The following MAP4 variants were observed in gnomAD, a reference collection of about 807,000 sequenced individuals.
The protein encoded by MAP4 is microtubule associated protein 4.
MAP4 carries 76 observed loss-of-function variants against 170.2 expected under a neutral mutation model. The ratio of observed to expected loss-of-function variants is 0.45; its 90% confidence interval spans 0.37 to 0.54. The LOEUF (loss-of-function observed/expected upper bound fraction) is 0.54, where lower values mean the gene tolerates loss of function less well. Among genes scored for constraint, MAP4 ranks in the 20% least tolerant of loss-of-function variants. MAP4 has a pLI of 0.00. For missense variants in MAP4, 2,506 were observed against 2,748.0 expected (o/e 0.91, Z 1.97); for synonymous variants, 909 against 994.5 (o/e 0.91, Z 1.62).
rs370121642 is a variant in MAP4 at position 47,870,982 on chromosome 3, C to T, written c.6125G>A (p.Arg2042Gln). The T allele has an allele frequency of 7.3e-5, 117 of 1,613,164 alleles. No homozygotes were observed. The highest frequency in any genetic ancestry group is 9.5e-5 in the Non-Finnish European group (112 of 1,179,258). ...SRVKATPMPS[R>Q]PSTTPFIDKK... ...GTCTATGAAAGGAGTTGTGGAGGGC[C>T]GGGAGGGCATGGGTGTGGCCTTGAC... The change falls in exon 15 of 21, where the codon CGG becomes CAG. Residue 2042 changes from arginine to glutamine, a missense_variant. Transcript: ENST00000683076.
At chr3:47,975,357 A>C in intron 3 of MAP4, 1 of 1,548,702 alleles carries the variant, frequency 6.5e-7, no homozygotes. Flanking sequence ...CCAGGAATGA[A>C]AAGCAAAGCT....
chr3:47,858,883 C>CT (rs1328352999), intron 17 of MAP4, among the ~76,000 whole-genome samples: 1 of 152,116 alleles, frequency 6.6e-6, no homozygotes, highest in Non-Finnish European at 1.5e-5. Context: ...AATCCCAGCA[C>CT]TTTGGGAGGC....
intron 3 of MAP4, chr3:47,974,185 G>T: frequency 1.1e-6 from 1 of 913,754 alleles, no homozygotes; most frequent in Non-Finnish European, 1.3e-6. Context: ...CAGCACTTTG[G>T]GTGGCCAAGG....
chr3:47,893,634 T>C (rs778255665), intron 10 of MAP4, among the ~76,000 whole-genome samples: 27 of 152,206 alleles, frequency 1.8e-4, no homozygotes, highest in Non-Finnish European at 1.8e-4. Context: ...ACTCTTACTT[T>C]GAACAAAGCT....
chr3:47,974,497 A>G (rs2100080791), intron 3 of MAP4: 1 of 984,362 alleles, frequency 1.0e-6, no homozygotes, highest in Non-Finnish European at 1.2e-6. Context: ...AGCTGAAATA[A>G]TCTGTACCTT....
chr3:47,990,261 C>G (rs1042241453), intron 2 of MAP4, among the ~76,000 whole-genome samples: 1 of 152,192 alleles, frequency 6.6e-6, no homozygotes, highest in Non-Finnish European at 1.5e-5. Context: ...ATTAGTGTTT[C>G]TCAATCATGC....
intron 1 of MAP4, among the ~76,000 whole-genome samples, chr3:48,077,660 T>G (rs1222593181): frequency 6.6e-6 from 1 of 151,956 alleles, no homozygotes; most frequent in Non-Finnish European, 1.5e-5. Flanking sequence ...TTTTAAAAGG[T>G]TAAACATAAT....
intron 1 of MAP4, among the ~76,000 whole-genome samples, chr3:48,054,073 G>A (rs182339639): frequency 9.1e-4 from 138 of 152,182 alleles, no homozygotes; most frequent in African/African-American, 3.2e-3. Context: ...GAAGGCCGAG[G>A]CAGGCAGATC....
chr3:47,972,384 A>G (rs1168499181), intron 3 of MAP4, among the ~76,000 whole-genome samples: 1 of 152,236 alleles, frequency 6.6e-6, no homozygotes, highest in Non-Finnish European at 1.5e-5. Flanking sequence ...TAACTGCACT[A>G]AACTAAATGT....
intron 1 of MAP4, among the ~76,000 whole-genome samples, chr3:48,004,252 A>G (rs1274848510): frequency 6.6e-6 from 1 of 152,164 alleles, no homozygotes; most frequent in African/African-American, 2.4e-5. Flanking sequence ...AAAAATGCTG[A>G]GGACTCTACT....
chr3:47,871,350 T>G (rs550504636), intron 13 of MAP4, 64 bp from the exon 14 acceptor site: 38 of 1,243,020 alleles, frequency 3.1e-5, no homozygotes, highest in Middle Eastern at 2.0e-4. Flanking sequence ...GTTCATCCAA[T>G]AGTGAGATTC....
In MAP4 at chr3:47,918,704, T is replaced by C; in HGVS notation, c.652+15A>G. 1 of 1,595,582 alleles carries C rather than the reference T, an allele frequency of 6.3e-7. No homozygotes were observed. The highest frequency in any genetic ancestry group is 8.6e-7 in the Non-Finnish European group (1 of 1,164,570). On this transcript the variant is annotated intron_variant, in intron 6 of 20. Transcript: ENST00000683076. ...TGCAACCATTAACTGATAAAGGGAGTCTCTAATAGTTTACCTGCCGTTGGC... is the reference window on the plus strand; with the variant it reads ...TGCAACCATTAACTGATAAAGGGAGCCTCTAATAGTTTACCTGCCGTTGGC...
intron 3 of MAP4, among the ~76,000 whole-genome samples, chr3:47,959,467 A>G (rs1209715586): frequency 6.6e-6 from 1 of 151,258 alleles, no homozygotes; most frequent in Non-Finnish European, 1.5e-5. Context: ...GGAAAAAAAA[A>G]AAAATGTGGC....
At chr3:47,934,731 C>T (rs777439362) in intron 3 of MAP4, among the ~76,000 whole-genome samples, 3 of 152,192 alleles carry the variant, frequency 2.0e-5, no homozygotes, top group Non-Finnish European at 4.4e-5. Flanking sequence ...GTGGTAACCT[C>T]AGAACTTTAA....
At chr3:47,971,214 C>T (rs905517720) in intron 3 of MAP4, among the ~76,000 whole-genome samples, 3 of 152,174 alleles carry the variant, frequency 2.0e-5, no homozygotes, top group African/African-American at 4.8e-5. Context: ...TGGTGGAGTT[C>T]GGATGGATGT....
intron 1 of MAP4, among the ~76,000 whole-genome samples, chr3:48,065,059 G>A (rs965103898): frequency 1.3e-5 from 2 of 152,126 alleles, no homozygotes; most frequent in Non-Finnish European, 1.5e-5. Flanking sequence ...GAACCCAGAA[G>A]TTCCAGGCTG....
At position 47,977,854 on chromosome 3, in the gene MAP4, G is replaced by A; in HGVS notation, c.292+11C>T. 2 of 1,599,212 alleles carry A rather than the reference G, an allele frequency of 1.3e-6. No individual in the cohort carries two copies. Among genetic ancestry groups the A allele is most frequent in the Non-Finnish European group, 1.7e-6 (2 of 1,167,326 alleles). ...CACCTACACATTTGGGGAATCCTGG[G>A]AATCACTTACCTGTAGTATCGCTCC... is the stretch of plus-strand genomic sequence containing the variant. On this transcript the variant is annotated intron_variant, in intron 3 of 20. Transcript: ENST00000683076.
intron 3 of MAP4, chr3:47,975,430 T>C: frequency 6.4e-7 from 1 of 1,566,678 alleles, no homozygotes; most frequent in Non-Finnish European, 8.7e-7. Flanking sequence ...GGTCTGGTGT[T>C]GCAGCAGCCC....
chr3:48,036,536 G>A (rs887858358), intron 1 of MAP4, among the ~76,000 whole-genome samples: 1 of 152,154 alleles, frequency 6.6e-6, no homozygotes. Flanking sequence ...GGTCCAAGGG[G>A]GCGCCTTCTT....
Sources: gnomAD v4.1 joint callset for allele counts (sites outside exome capture counted in the v4.1 genomes callset) on GRCh38, gnomAD v4.1.1 for gene constraint, MANE v1.5 for transcripts, NCBI Gene and HGNC (gene_info 2026-07-23, HGNC 2026-07-21) for gene names.